PRKCB: variants seen among roughly 807,000 people sequenced by gnomAD.
The protein encoded by PRKCB is protein kinase C beta.
Under a neutral mutation model 81.5 loss-of-function variants are expected in PRKCB, and 13 were observed. The observed-to-expected ratio is 0.16, with a 90% confidence interval of 0.10 to 0.25. The LOEUF (loss-of-function observed/expected upper bound fraction) is 0.25. Ranked by LOEUF, PRKCB falls within the 10% of genes least tolerant of loss-of-function variation. The pLI is 1.00. For synonymous variants in PRKCB, 335 were observed against 321.4 expected, an observed-to-expected ratio of 1.04 and a Z score of -0.45; for missense variants, 509 against 875.7, an observed-to-expected ratio of 0.58 and a Z score of 5.29.
intron 2 of PRKCB, among the ~76,000 whole-genome samples, chr16:23,887,228 G>A (rs1301557944): frequency 6.6e-6 from 1 of 152,140 alleles, no homozygotes; most frequent in Non-Finnish European, 1.5e-5. Flanking sequence ...TAGATTCATG[G>A]AGTATGTGTG....
At chr16:23,924,360 TATCAAG>T (rs1963867848) in intron 2 of PRKCB, among the ~76,000 whole-genome samples, 1 of 152,028 alleles carries the variant, frequency 6.6e-6, no homozygotes, top group African/African-American at 2.4e-5. Context: ...TCTCGGGTAG[TATCAAG>T]ATAGCAGTGT....
rs1435409106 is a variant in PRKCB, at chr16:24,175,849, A to G, written c.1394+1269A>G. The stretch of plus-strand genomic sequence containing the variant: ...TAGCCAGGTGTGATGGTGCATACCT[A>G]TAGACCTAGCTACTCAGGAGGCTGA... On this transcript the variant is annotated intron_variant, in intron 12 of 16. Transcript: ENST00000643927. Among the ~76,000 whole-genome samples, 3 of 151,854 alleles carry G rather than the reference A, an allele frequency of 2.0e-5. 1 individual carries two copies. Among genetic ancestry groups the G allele is most frequent in the South Asian group, 4.2e-4 (2 of 4,800 alleles).
intron 12 of PRKCB, among the ~76,000 whole-genome samples, chr16:24,176,786 C>T (rs1186016734): frequency 2.0e-5 from 3 of 151,140 alleles, no homozygotes; most frequent in African/African-American, 7.3e-5. Context: ...CCCAGCCACT[C>T]GGGAGGCTGA....
At chr16:23,878,177 C>T (rs1963047919) in intron 2 of PRKCB, among the ~76,000 whole-genome samples, 1 of 152,140 alleles carries the variant, frequency 6.6e-6, no homozygotes, top group Admixed American at 6.5e-5. Context: ...TGTAAAGTCA[C>T]TGCAAACACT....
chr16:23,881,715 A>AT (rs1013904372), intron 2 of PRKCB, among the ~76,000 whole-genome samples: 16 of 152,082 alleles, frequency 1.1e-4, no homozygotes, highest in Admixed American at 6.5e-4. Context: ...CATCTTAACT[A>AT]TTTTTTTAAG....
chr16:24,159,974 T>C (rs1967228095), intron 10 of PRKCB, among the ~76,000 whole-genome samples: 1 of 152,102 alleles, frequency 6.6e-6, no homozygotes, highest in African/African-American at 2.4e-5. Flanking sequence ...TACAGACTGA[T>C]ACTTTGTCTC....
intron 2 of PRKCB, among the ~76,000 whole-genome samples, chr16:23,890,099 A>C (rs550547715): frequency 9.2e-5 from 14 of 152,240 alleles, no homozygotes; most frequent in Non-Finnish European, 2.1e-4. Flanking sequence ...TCAGTTAATG[A>C]ATGGATCTAC....
chr16:24,051,682 T>C (rs1215452703), intron 5 of PRKCB, among the ~76,000 whole-genome samples: 1 of 151,846 alleles, frequency 6.6e-6, no homozygotes, highest in Admixed American at 6.6e-5. Context: ...GAGACCAGTC[T>C]GGGCAACATA....
At position 24,180,868 on chromosome 16, in the gene PRKCB, C is replaced by T. The variant is rs752583432; in HGVS notation, c.1473C>T (p.Asn491=). 29 of 1,614,152 alleles carry T rather than the reference C, an allele frequency of 1.8e-5. No homozygotes were observed. Among genetic ancestry groups the T allele is most frequent in the Non-Finnish European group, 2.4e-5 (28 of 1,179,998 alleles). The part of the protein sequence containing the change: ...KIADFGMCKE[N]IWDGVTTKTF... The stretch of plus-strand genomic sequence containing the variant: ...CCGATTTTGGCATGTGTAAGGAAAA[C>T]ATCTGGGATGGGGTGACAACCAAGA... Residue 491 remains asparagine, a synonymous_variant, in exon 13 of 17, where the codon AAC becomes AAT. Transcript: ENST00000643927.
rs1968224501 is a variant in PRKCB, at chr16:24,216,153, G to C, written c.*1337G>C. 1 of 985,414 alleles carries C rather than the reference G, an allele frequency of 1.0e-6. No homozygotes were observed. Among genetic ancestry groups the C allele is most frequent in the Non-Finnish European group, 1.2e-6 (1 of 830,038 alleles). 61.0% of individuals were successfully genotyped at this position (985,414 alleles called of 1,614,324 possible). ...CCCCAGTGTTCAGCCACTCGGAGGGGCGGGGGCTGTGGCCCATTCAGGGGC... is the reference window on the plus strand; with the variant it reads ...CCCCAGTGTTCAGCCACTCGGAGGGCCGGGGGCTGTGGCCCATTCAGGGGC... On this transcript the variant is annotated 3_prime_UTR_variant, in exon 17 of 17. Coordinates refer to ENST00000643927, the MANE Select transcript of PRKCB (RefSeq NM_002738.7).
intron 13 of PRKCB, among the ~76,000 whole-genome samples, chr16:24,182,045 A>G (rs764158691): frequency 6.6e-6 from 1 of 152,206 alleles, no homozygotes; most frequent in African/African-American, 2.4e-5. Flanking sequence ...TTTAAAAATA[A>G]TAAGGCTTTA....
chr16:24,048,693 T>C (rs1305002856), intron 5 of PRKCB, among the ~76,000 whole-genome samples: 1 of 152,090 alleles, frequency 6.6e-6, no homozygotes, highest in Admixed American at 6.5e-5. Flanking sequence ...GGTTTCACCA[T>C]GTTGGTCAGG....
intron 5 of PRKCB, among the ~76,000 whole-genome samples, chr16:24,083,380 C>T (rs888402858): frequency 1.3e-5 from 2 of 152,152 alleles, no homozygotes; most frequent in African/African-American, 2.4e-5. Flanking sequence ...CACACAAGAA[C>T]CCGTGAGTAT....
At chr16:23,981,302 C>T (rs762939504) in intron 2 of PRKCB, among the ~76,000 whole-genome samples, 13 of 152,030 alleles carry the variant, frequency 8.6e-5, no homozygotes, top group South Asian at 2.1e-4. Context: ...TCCATCATCA[C>T]GTCTCATCCT....
intron 7 of PRKCB, among the ~76,000 whole-genome samples, chr16:24,108,290 T>G (rs2141913467): frequency 7.2e-6 from 1 of 138,460 alleles, no homozygotes; most frequent in East Asian, 2.1e-4. Flanking sequence ...TTTATTTTTT[T>G]TATTATTTTT....
chr16:23,838,980 G>A (rs72777914), intron 2 of PRKCB, among the ~76,000 whole-genome samples: 23,262 of 152,170 alleles, frequency 0.15, 2,095 homozygotes, highest in Admixed American at 0.25. Context: ...TCTTGGCACC[G>A]GAATGTGTAA....
At chr16:24,065,748 C>T (rs1344498521) in intron 5 of PRKCB, among the ~76,000 whole-genome samples, 1 of 152,166 alleles carries the variant, frequency 6.6e-6, no homozygotes, top group Non-Finnish European at 1.5e-5. Context: ...GTGGCACATG[C>T]CTGTAGTCCC....
At chr16:23,909,378 G>A (rs541626185) in intron 2 of PRKCB, among the ~76,000 whole-genome samples, 4 of 152,272 alleles carry the variant, frequency 2.6e-5, no homozygotes, top group African/African-American at 9.6e-5. Flanking sequence ...GGTTCTTGGC[G>A]AGACCCTCCT....
intron 5 of PRKCB, among the ~76,000 whole-genome samples, chr16:24,090,046 T>C (rs1966359114): frequency 6.6e-6 from 1 of 152,210 alleles, no homozygotes; most frequent in African/African-American, 2.4e-5. Flanking sequence ...TAGCCCTGTG[T>C]CCATGACACT....
Sources: allele counts gnomAD v4.1 joint callset (sites outside exome capture counted in the v4.1 genomes callset), GRCh38; gene constraint gnomAD v4.1.1; transcripts MANE v1.5; gene names NCBI Gene and HGNC (gene_info 2026-07-23, HGNC 2026-07-21).